The following SLC71A1 variants were observed in gnomAD, a reference collection of about 807,000 sequenced individuals.
SLC71A1 encodes hippocampus abundant gene transcript 1.
At chr1:100,038,147 C>T in the SLC71A1 span, 75 of 1,225,228 alleles carry the variant, frequency 6.1e-5, no homozygotes, top group Non-Finnish European at 8.3e-5. Context: ...CGGCTCGGCC[C>T]GGCAGTAGTG....
the SLC71A1 span, among the ~76,000 whole-genome samples, chr1:100,067,112 A>G: frequency 2.0e-5 from 3 of 151,980 alleles, no homozygotes; most frequent in Non-Finnish European, 1.5e-5. Context: ...TGCTGAGATT[A>G]CAGGCATGAA....
the SLC71A1 span, among the ~76,000 whole-genome samples, chr1:100,056,885 G>C: frequency 6.6e-6 from 1 of 152,170 alleles, no homozygotes; most frequent in Non-Finnish European, 1.5e-5. Flanking sequence ...GGGGTGAGAT[G>C]ATATTTCACT....
chr1:100,074,329 C>T, the SLC71A1 span, among the ~76,000 whole-genome samples: 1 of 152,290 alleles, frequency 6.6e-6, no homozygotes, highest in East Asian at 1.9e-4. Context: ...AACCTTAGCA[C>T]TTTGGGAGGC....
At chr1:100,076,356 CA>C in the SLC71A1 span, among the ~76,000 whole-genome samples, 18 of 151,486 alleles carry the variant, frequency 1.2e-4, no homozygotes, top group African/African-American at 4.1e-4. Context: ...GTTAGAATAG[CA>C]AAAAAAAATT....
At chr1:100,079,994 A>C in the SLC71A1 span, 315 of 153,220 alleles carry the variant, frequency 2.1e-3, no homozygotes, top group Admixed American at 3.4e-3. Flanking sequence ...TAGGCAACAA[A>C]GTGAGACCCC....
chr1:100,049,333 T>G, the SLC71A1 span, among the ~76,000 whole-genome samples: 333 of 151,216 alleles, frequency 2.2e-3, 5 homozygotes, highest in African/African-American at 7.9e-3. Context: ...TTTTTTTTTT[T>G]TTTTTGGTTA....
chr1:100,081,932 A>T, the SLC71A1 span: 1 of 1,168,120 alleles, frequency 8.6e-7, no homozygotes, highest in South Asian at 1.3e-5. Context: ...GTTAATACTA[A>T]AAGGTATGTA....
the SLC71A1 span, among the ~76,000 whole-genome samples, chr1:100,072,262 A>G: frequency 6.6e-6 from 1 of 152,192 alleles, no homozygotes; most frequent in Non-Finnish European, 1.5e-5. Flanking sequence ...CGGAGCTGCT[A>G]ATAGCTCTCC....
chr1:100,055,753 T>C, the SLC71A1 span, among the ~76,000 whole-genome samples: 1 of 152,046 alleles, frequency 6.6e-6, no homozygotes, highest in African/African-American at 2.4e-5. Flanking sequence ...TTTTGTTTTG[T>C]TTTGTTTTTT....
the SLC71A1 span, among the ~76,000 whole-genome samples, chr1:100,062,811 C>T: frequency 1.3e-5 from 2 of 150,946 alleles, no homozygotes; most frequent in Non-Finnish European, 2.9e-5. Flanking sequence ...TTCAGTGGCT[C>T]ACACCTGTAA....
chr1:100,063,608 C>T, the SLC71A1 span, among the ~76,000 whole-genome samples: 1,391 of 152,178 alleles, frequency 9.1e-3, 24 homozygotes, highest in African/African-American at 0.032. Flanking sequence ...CTAGCCTGGG[C>T]AACATAGTGA....
the SLC71A1 span, among the ~76,000 whole-genome samples, chr1:100,048,202 T>TTTC: frequency 1.3e-5 from 2 of 150,738 alleles, no homozygotes; most frequent in Non-Finnish European, 3.0e-5. Flanking sequence ...TTTTTTTTTT[T>TTTC]TTCAGAGTCT....
chr1:100,073,526 T>C, the SLC71A1 span, among the ~76,000 whole-genome samples: 1 of 152,200 alleles, frequency 6.6e-6, no homozygotes, highest in Non-Finnish European at 1.5e-5. Flanking sequence ...GAGCTCTCAC[T>C]TCAAAAGGCC....
the SLC71A1 span, chr1:100,078,405 C>A: frequency 8.2e-7 from 1 of 1,212,272 alleles, no homozygotes; most frequent in Non-Finnish European, 1.2e-6. Flanking sequence ...CTTTCAGGTA[C>A]AGTGGAGAAG....
At chr1:100,049,510 A>G in the SLC71A1 span, among the ~76,000 whole-genome samples, 1 of 152,108 alleles carries the variant, frequency 6.6e-6, no homozygotes, top group East Asian at 1.9e-4. Flanking sequence ...CAGCCCATGC[A>G]CTGGTTGTAC....
At chr1:100,064,722 T>C in the SLC71A1 span, among the ~76,000 whole-genome samples, 4 of 149,462 alleles carry the variant, frequency 2.7e-5, no homozygotes, top group African/African-American at 1.0e-4. Flanking sequence ...TTTTTGTCTC[T>C]TTTCCTTTTT....
At chr1:100,039,497 T>C in the SLC71A1 span, among the ~76,000 whole-genome samples, 1 of 152,232 alleles carries the variant, frequency 6.6e-6, no homozygotes, top group Non-Finnish European at 1.5e-5. Context: ...TATTTTTAGT[T>C]TAACGTTTAT....
At chr1:100,064,245 G>A in the SLC71A1 span, among the ~76,000 whole-genome samples, 2 of 152,066 alleles carry the variant, frequency 1.3e-5, no homozygotes, top group African/African-American at 2.4e-5. Context: ...GGGTTCAAAC[G>A]ATTCTGCTGC....
the SLC71A1 span, among the ~76,000 whole-genome samples, chr1:100,048,248 A>C: frequency 6.6e-6 from 1 of 151,398 alleles, no homozygotes; most frequent in Non-Finnish European, 1.5e-5. Context: ...GTGGGATCTC[A>C]ACTCACTGCA....
Sources: allele counts gnomAD v4.1 joint callset (sites outside exome capture counted in the v4.1 genomes callset), GRCh38; gene constraint gnomAD v4.1.1; transcripts MANE v1.5; gene names NCBI Gene and HGNC (gene_info 2026-07-23, HGNC 2026-07-21).